LRMDA: variants seen among roughly 807,000 people sequenced by gnomAD.
LRMDA encodes leucine rich melanocyte differentiation associated.
Under a neutral mutation model 29.8 loss-of-function variants are expected in LRMDA, and 18 were observed. The ratio of observed to expected loss-of-function variants is 0.60; its 90% CI spans 0.42 to 0.90. The LOEUF is 0.90. LRMDA is among the 40% of genes least tolerant of loss of function. The pLI, the probability that LRMDA is intolerant of heterozygous loss-of-function variation, is 0.00. For missense variants in LRMDA, 273 were observed against 273.9 expected (o/e 1.00, Z 0.02); for synonymous variants, 125 against 109.4 (o/e 1.14, Z -0.89).
intron 5 of LRMDA, among the ~76,000 whole-genome samples, chr10:76,217,849 G>T (rs575223034): frequency 5.9e-5 from 9 of 152,234 alleles, no homozygotes; most frequent in African/African-American, 1.9e-4. Flanking sequence ...ACCTGTTCCT[G>T]TAGGATATGT....
At chr10:75,579,808 C>G (rs986446741) in intron 2 of LRMDA, among the ~76,000 whole-genome samples, 2 of 152,142 alleles carry the variant, frequency 1.3e-5, no homozygotes, top group South Asian at 2.1e-4. Flanking sequence ...TAAACAGAAC[C>G]AATGACAAAA....
At chr10:76,403,700 A>G (rs1300310157) in intron 6 of LRMDA, among the ~76,000 whole-genome samples, 2 of 152,154 alleles carry the variant, frequency 1.3e-5, no homozygotes, top group African/African-American at 4.8e-5. Flanking sequence ...CAGCCAAGTA[A>G]TTAAAGGGGT....
chr10:75,919,968 A>G (rs558567147), intron 2 of LRMDA, among the ~76,000 whole-genome samples: 1 of 150,650 alleles, frequency 6.6e-6, no homozygotes, highest in South Asian at 2.1e-4. Context: ...TCTCCTCTCT[A>G]CTCTTTCTTT....
intron 2 of LRMDA, among the ~76,000 whole-genome samples, chr10:75,523,043 C>A (rs1250597663): frequency 6.6e-6 from 1 of 152,236 alleles, no homozygotes; most frequent in African/African-American, 2.4e-5. Context: ...CAGCCTTGGA[C>A]AATCATTTCC....
chr10:76,217,831 C>T (rs1162929742), intron 5 of LRMDA, among the ~76,000 whole-genome samples: 1 of 152,138 alleles, frequency 6.6e-6, no homozygotes, highest in Non-Finnish European at 1.5e-5. Flanking sequence ...TCTTCTCTTA[C>T]TTTTGTCACC....
chr10:76,201,887 C>T (rs1006357881), intron 5 of LRMDA, among the ~76,000 whole-genome samples: 2 of 152,104 alleles, frequency 1.3e-5, no homozygotes, highest in African/African-American at 4.8e-5. Context: ...AGTTTGGACT[C>T]GGTTGGATGG....
Position 75,438,377 on chromosome 10 carries a change from T to C in LRMDA, c.31-17T>C. 1 of 1,541,178 alleles carries C rather than the reference T, an allele frequency of 6.5e-7. No individual in the cohort carries two copies. The highest frequency in any genetic ancestry group is 8.8e-7 in the Non-Finnish European group (1 of 1,138,024). ...ATTTCCATTTGCCACATTGTTTCTG[T>C]TCCATTTAATTTCCAGGTGTCCTAC... On this transcript the variant is annotated splice_polypyrimidine_tract_variant and intron_variant, in intron 1 of 6. Coordinates refer to ENST00000611255, the MANE Select transcript of LRMDA (RefSeq NM_001305581.2).
At chr10:75,941,538 A>G (rs1846392469) in intron 2 of LRMDA, among the ~76,000 whole-genome samples, 1 of 152,152 alleles carries the variant, frequency 6.6e-6, no homozygotes, top group Admixed American at 6.5e-5. Context: ...GGTTTAGGAA[A>G]GATGCCAGCA....
At chr10:75,775,453 A>G (rs2132238165) in intron 2 of LRMDA, among the ~76,000 whole-genome samples, 1 of 152,340 alleles carries the variant, frequency 6.6e-6, no homozygotes, top group South Asian at 2.1e-4. Context: ...GCTTGCAAAG[A>G]AATGAGCGAC....
chr10:76,328,493 C>A (rs535371752), intron 6 of LRMDA, among the ~76,000 whole-genome samples: 1 of 152,198 alleles, frequency 6.6e-6, no homozygotes. Flanking sequence ...CAACAACAGG[C>A]AAGGGAAACA....
At chr10:76,311,966 GGT>G (rs764396635) in intron 5 of LRMDA, among the ~76,000 whole-genome samples, 7 of 152,102 alleles carry the variant, frequency 4.6e-5, no homozygotes, top group Non-Finnish European at 8.8e-5. Context: ...CCCTCATGGT[GGT>G]GCAGTAACCC....
chr10:76,232,588 G>A (rs530138797), intron 5 of LRMDA, among the ~76,000 whole-genome samples: 2 of 152,340 alleles, frequency 1.3e-5, no homozygotes, highest in South Asian at 2.1e-4. Context: ...TCTGGCCAGC[G>A]ATGCCCTACC....
At chr10:76,111,814 G>T (rs1010130386) in intron 5 of LRMDA, among the ~76,000 whole-genome samples, 3 of 152,096 alleles carry the variant, frequency 2.0e-5, no homozygotes, top group Non-Finnish European at 4.4e-5. Flanking sequence ...GGGGGTGGGG[G>T]GGGGCGCATG....
At chr10:75,992,475 A>T (rs1030623350) in intron 2 of LRMDA, among the ~76,000 whole-genome samples, 1 of 152,112 alleles carries the variant, frequency 6.6e-6, no homozygotes, top group Non-Finnish European at 1.5e-5. Context: ...AATTGGGGAG[A>T]TCAAGTCTCC....
intron 2 of LRMDA, among the ~76,000 whole-genome samples, chr10:75,918,914 A>G (rs1171779673): frequency 6.6e-6 from 1 of 152,244 alleles, no homozygotes; most frequent in Non-Finnish European, 1.5e-5. Context: ...GATGGAGCAG[A>G]CAGTTCCTCC....
Position 75,751,128 on chromosome 10 carries a change from A to C in LRMDA, c.132-284880A>C, listed in dbSNP as rs1220517884. On this transcript the variant is annotated intron_variant, in intron 2 of 6. Transcript: ENST00000611255. ...CAGGAGCTGGAGACCAGTCCGGCCAACACGGTGAAACCCCGTCTCCACCAA... is the reference window on the plus strand; with the variant it reads ...CAGGAGCTGGAGACCAGTCCGGCCACCACGGTGAAACCCCGTCTCCACCAA... Among the ~76,000 whole-genome samples, 3 of 152,258 alleles carry C rather than the reference A, an allele frequency of 2.0e-5. No individual in the cohort carries two copies. The East Asian group carries it at 5.8e-4, about 29-fold the overall frequency.
chr10:75,451,930 T>C (rs1483283360), intron 2 of LRMDA, among the ~76,000 whole-genome samples: 1 of 151,888 alleles, frequency 6.6e-6, no homozygotes, highest in Non-Finnish European at 1.5e-5. Context: ...GTTCTAAGTC[T>C]CCATCGGTGA....
chr10:75,939,351 G>T (rs543175412), intron 2 of LRMDA, among the ~76,000 whole-genome samples: 1 of 152,184 alleles, frequency 6.6e-6, no homozygotes, highest in Non-Finnish European at 1.5e-5. Flanking sequence ...ATTTGACTTT[G>T]TTGTTGTTTT....
At chr10:76,455,868 T>A (rs1008376930) in intron 6 of LRMDA, among the ~76,000 whole-genome samples, 10 of 152,124 alleles carry the variant, frequency 6.6e-5, no homozygotes, top group African/African-American at 2.4e-4. Context: ...AAGGGATATA[T>A]CCTGTTGTTA....
Sources: gnomAD v4.1 joint callset for allele counts (sites outside exome capture counted in the v4.1 genomes callset) on GRCh38, gnomAD v4.1.1 for gene constraint, MANE v1.5 for transcripts, NCBI Gene and HGNC (gene_info 2026-07-23, HGNC 2026-07-21) for gene names.